Variants in PRKG2 observed in about 807,000 individuals in gnomAD.
PRKG2 encodes protein kinase cGMP-dependent 2.
In PRKG2, 33 loss-of-function variants were observed where a neutral mutation model predicts 97.2. The observed-to-expected ratio is 0.34, with a 90% CI of 0.26 to 0.45. The LOEUF (loss-of-function observed/expected upper bound fraction) is 0.45. Among genes scored for constraint, PRKG2 ranks in the 20% least tolerant of loss-of-function variants. The pLI is 1.00. For synonymous variants in PRKG2, 330 were observed against 321.8 expected, an observed-to-expected ratio of 1.03 and a Z score of -0.27; for missense variants, 638 against 900.0, an observed-to-expected ratio of 0.71 and a Z score of 3.73.
intron 12 of PRKG2, among the ~76,000 whole-genome samples, chr4:81,138,105 AAG>A (rs1431206524): frequency 1.3e-5 from 2 of 152,176 alleles, no homozygotes; most frequent in Non-Finnish European, 2.9e-5. Context: ...CATGTCCCCA[AAG>A]AGAGAGTATG....
At chr4:81,125,016 C>T (rs1227148061) in intron 14 of PRKG2, among the ~76,000 whole-genome samples, 1 of 152,078 alleles carries the variant, frequency 6.6e-6, no homozygotes, top group African/African-American at 2.4e-5. Context: ...ACTCTATTCT[C>T]CAACTCTTTT....
intron 17 of PRKG2, among the ~76,000 whole-genome samples, chr4:81,098,663 G>A (rs1248405530): frequency 6.6e-6 from 1 of 152,106 alleles, no homozygotes; most frequent in Admixed American, 6.6e-5. Flanking sequence ...CTGAGTAGAG[G>A]GAGAGATGGG....
At chr4:81,183,725 G>A (rs1015708224) in intron 2 of PRKG2, among the ~76,000 whole-genome samples, 23 of 152,094 alleles carry the variant, frequency 1.5e-4, no homozygotes, top group Non-Finnish European at 3.4e-4. Context: ...ACAGAGACCA[G>A]CAAGCTAAGA....
intron 2 of PRKG2, 95 bp downstream of exon 2, chr4:81,204,492 T>C (rs1261957606): frequency 7.5e-7 from 1 of 1,330,158 alleles, no homozygotes; most frequent in Non-Finnish European, 1.0e-6. Flanking sequence ...AAAGGGTCAA[T>C]ATGTTCTTTA....
chr4:81,115,233 A>C (rs1744397756), intron 14 of PRKG2, among the ~76,000 whole-genome samples: 1 of 152,182 alleles, frequency 6.6e-6, no homozygotes, highest in South Asian at 2.1e-4. Flanking sequence ...CCTTTGTATA[A>C]GAGTTCTGAC....
chr4:81,100,185 A>C (rs1742585644), intron 17 of PRKG2, among the ~76,000 whole-genome samples: 1 of 152,162 alleles, frequency 6.6e-6, no homozygotes, highest in African/African-American at 2.4e-5. Context: ...GCTACCAATG[A>C]CTTTCTTCAC....
intron 6 of PRKG2, among the ~76,000 whole-genome samples, chr4:81,157,803 A>C (rs1408239982): frequency 6.6e-6 from 1 of 151,152 alleles, no homozygotes; most frequent in Non-Finnish European, 1.5e-5. Context: ...GTAATCCAGC[A>C]TATAAACAGA....
At chr4:81,205,208 A>G (rs1753583705) in intron 1 of PRKG2, 148 bp from the exon 2 acceptor site, 2 of 372,402 alleles carry the variant, frequency 5.4e-6, no homozygotes, top group South Asian at 8.7e-5. Flanking sequence ...AGTTTCCAGA[A>G]AAAAAAAAAA....
chr4:81,091,291 A>ATTC (rs1274692611), intron 18 of PRKG2, among the ~76,000 whole-genome samples: 1 of 151,750 alleles, frequency 6.6e-6, no homozygotes, highest in Admixed American at 6.6e-5. Flanking sequence ...TATTATTATT[A>ATTC]TTATTTTTTG....
chr4:81,155,264 C>T (rs1372679139), intron 6 of PRKG2, among the ~76,000 whole-genome samples: 4 of 151,404 alleles, frequency 2.6e-5, no homozygotes, highest in African/African-American at 7.3e-5. Context: ...AACCAAGGCT[C>T]GAGAACTACG....
At chr4:81,119,495 C>T (rs1744867026) in intron 14 of PRKG2, among the ~76,000 whole-genome samples, 1 of 152,100 alleles carries the variant, frequency 6.6e-6, no homozygotes, top group African/African-American at 2.4e-5. Flanking sequence ...CAATTCCACA[C>T]TGTCTTCAGT....
chr4:81,141,891 C>A (rs943956091), intron 11 of PRKG2, among the ~76,000 whole-genome samples: 11 of 152,166 alleles, frequency 7.2e-5, no homozygotes, highest in Non-Finnish European at 1.3e-4. Flanking sequence ...AGAGATGAAG[C>A]AAGGACTGGG....
intron 15 of PRKG2, among the ~76,000 whole-genome samples, chr4:81,108,379 CTT>C (rs1323342796): frequency 1.3e-5 from 2 of 151,916 alleles, no homozygotes; most frequent in African/African-American, 4.8e-5. Flanking sequence ...AGTGTACCAA[CTT>C]TTTACTAAAC....
intron 6 of PRKG2, chr4:81,165,146 C>A (rs891839637): frequency 2.0e-5 from 3 of 152,058 alleles, no homozygotes; most frequent in African/African-American, 7.2e-5. Flanking sequence ...TATCAGAACA[C>A]AAGAAGAGGC....
At chr4:81,127,734 A>G (rs948547852) in intron 14 of PRKG2, among the ~76,000 whole-genome samples, 1 of 152,192 alleles carries the variant, frequency 6.6e-6, no homozygotes. Context: ...TTTTGGGCTG[A>G]GATGATGGGG....
intron 2 of PRKG2, among the ~76,000 whole-genome samples, chr4:81,180,877 A>G (rs764864375): frequency 3.9e-5 from 6 of 152,106 alleles, no homozygotes; most frequent in South Asian, 4.1e-4. Flanking sequence ...GTACATGTGC[A>G]CAATGTGCAG....
At chr4:81,132,978 T>C (rs924437285) in intron 14 of PRKG2, among the ~76,000 whole-genome samples, 2 of 152,144 alleles carry the variant, frequency 1.3e-5, no homozygotes, top group African/African-American at 4.8e-5. Flanking sequence ...TTTTTCCTCA[T>C]ACATTCATGT....
intron 14 of PRKG2, among the ~76,000 whole-genome samples, chr4:81,126,577 C>T (rs571966467): frequency 1.7e-4 from 26 of 152,146 alleles, no homozygotes; most frequent in African/African-American, 6.0e-4. Flanking sequence ...TTCTAACTGG[C>T]GTGAGCTGGT....
At chr4:81,166,410 T>C (rs933598195) in intron 6 of PRKG2, among the ~76,000 whole-genome samples, 1 of 152,138 alleles carries the variant, frequency 6.6e-6, no homozygotes, top group Non-Finnish European at 1.5e-5. Flanking sequence ...TAAAGCCATC[T>C]GGGTTTCAAT....
Sources: gnomAD v4.1 joint callset for allele counts (sites outside exome capture counted in the v4.1 genomes callset) on GRCh38, gnomAD v4.1.1 for gene constraint, MANE v1.5 for transcripts, NCBI Gene and HGNC (gene_info 2026-07-23, HGNC 2026-07-21) for gene names.